Variants in KIF3B observed in about 807,000 individuals in gnomAD.
KIF3B encodes the protein kinesin-like protein KIF3B.
A neutral mutation model predicts 74.3 loss-of-function variants in KIF3B; 38 were observed. The ratio of observed to expected loss-of-function variants is 0.51; its 90% CI spans 0.39 to 0.67. The LOEUF (loss-of-function observed/expected upper bound fraction) is 0.67, where lower values mean the gene tolerates loss of function less well. Ranked by LOEUF, KIF3B falls within the 30% of genes least tolerant of loss-of-function variation. The probability of loss-of-function intolerance (pLI) is 0.00; values close to 1 mark genes in which losing one functional copy is unlikely to be tolerated. For synonymous variants in KIF3B, 326 were observed against 342.5 expected, an observed-to-expected ratio of 0.95 and a Z score of 0.53; for missense variants, 649 against 932.0, an observed-to-expected ratio of 0.70 and a Z score of 3.95.
chr20:32,283,660 A>G (rs2047654571), intron 1 of KIF3B, among the ~76,000 whole-genome samples: 1 of 150,720 alleles, frequency 6.6e-6, no homozygotes, highest in Non-Finnish European at 1.5e-5. Flanking sequence ...AAATACAAAA[A>G]TTAGTCGGGT....
At chr20:32,322,818 ATATT>A (rs2047874674) in intron 5 of KIF3B, among the ~76,000 whole-genome samples, 58 of 68,900 alleles carry the variant, frequency 8.4e-4, no homozygotes, top group African/African-American at 3.4e-3. Flanking sequence ...ATATTTATAT[ATATT>A]TATATGTATA....
rs2047941876 is a variant in KIF3B, at chr20:32,333,656, A to AC, written c.*2337_*2338insC. 1 of 151,390 alleles carries AC rather than the reference A, an allele frequency of 6.6e-6. No homozygotes were observed. Among genetic ancestry groups the AC allele is most frequent in the Non-Finnish European group, 1.5e-5 (1 of 68,176 alleles). The allele number at this position is 151,390 out of a possible 1,614,324, so 9.4% of individuals were successfully genotyped here. On this transcript the variant is annotated 3_prime_UTR_variant, in exon 9 of 9. Coordinates refer to ENST00000375712, the MANE Select transcript of KIF3B (RefSeq NM_004798.4). ...TCAAAAAAAAAAAAAAAAAAAAAAA[A>AC]AACAGAAAGAAAGAAAAAGAAAACT...
intron 2 of KIF3B, among the ~76,000 whole-genome samples, chr20:32,311,910 C>G (rs1277730922): frequency 1.3e-5 from 2 of 149,692 alleles, no homozygotes; most frequent in Non-Finnish European, 3.0e-5. Context: ...TCAAGTGATT[C>G]TCTTGTCTCA....
At chr20:32,303,381 A>G (rs1368341072) in intron 1 of KIF3B, among the ~76,000 whole-genome samples, 1 of 151,776 alleles carries the variant, frequency 6.6e-6, no homozygotes, top group East Asian at 1.9e-4. Context: ...CTTGGCCATC[A>G]TGGTGAAACC....
chr20:32,331,179 A>G (rs1312405329), intron 8 of KIF3B, 44 bp from the exon 9 acceptor site: 3 of 1,390,654 alleles, frequency 2.2e-6, no homozygotes, highest in South Asian at 2.3e-5. Context: ...TGTCAGGGAC[A>G]GAGATGGGGA....
At chr20:32,330,835 T>G (rs1230609733) in intron 8 of KIF3B, among the ~76,000 whole-genome samples, 3 of 152,230 alleles carry the variant, frequency 2.0e-5, no homozygotes, top group Non-Finnish European at 4.4e-5. Context: ...CTCACCCATG[T>G]GGTGCAAAAC....
At position 32,324,657 on chromosome 20, in the gene KIF3B, G is replaced by C. The variant is rs149867240; in HGVS notation, c.1749-2114G>C. 1.1e-4 allele frequency among the ~76,000 whole-genome samples: 17 copies of C among 152,294 alleles called. No individual in the cohort carries two copies. In the East Asian group the frequency reaches 3.3e-3, roughly 29 times the overall value. The stretch of plus-strand genomic sequence containing the variant: ...TATTTCATTAGTGGGGTTACAAAAT[G>C]ACCATGCCTGGCCAAAGAAGAAGTT... On this transcript the variant is annotated intron_variant, in intron 5 of 8. Transcript: ENST00000375712.
At chr20:32,299,860 C>T (rs2047735061) in intron 1 of KIF3B, among the ~76,000 whole-genome samples, 1 of 151,980 alleles carries the variant, frequency 6.6e-6, no homozygotes, top group Non-Finnish European at 1.5e-5. Context: ...GTGATCCTGA[C>T]TTGCTGCAGT....
chr20:32,327,753 C>A, intron 7 of KIF3B, 92 bp downstream of exon 7: 1 of 834,548 alleles, frequency 1.2e-6, no homozygotes, highest in Non-Finnish European at 1.9e-6. Flanking sequence ...GAGTTCATAC[C>A]TTCTTTCCAG....
intron 1 of KIF3B, among the ~76,000 whole-genome samples, chr20:32,292,473 C>T (rs901767698): frequency 2.7e-5 from 4 of 149,708 alleles, no homozygotes; most frequent in East Asian, 2.0e-4. Flanking sequence ...CATGGTGGCT[C>T]ATGCCTGTAA....
chr20:32,327,282 C>T (rs953515334), intron 6 of KIF3B, among the ~76,000 whole-genome samples: 5 of 152,102 alleles, frequency 3.3e-5, no homozygotes, highest in Admixed American at 1.3e-4. Flanking sequence ...AGATGGGAGA[C>T]ACCTGGCAGG....
chr20:32,283,225 G>A (rs908504007), intron 1 of KIF3B, among the ~76,000 whole-genome samples: 1 of 152,108 alleles, frequency 6.6e-6, no homozygotes, highest in African/African-American at 2.4e-5. Flanking sequence ...ATGTTTTGGG[G>A]ACGGGTGTGG....
chr20:32,312,791 G>A (rs2047807733), intron 2 of KIF3B, among the ~76,000 whole-genome samples: 1 of 152,126 alleles, frequency 6.6e-6, no homozygotes, highest in African/African-American at 2.4e-5. Flanking sequence ...TGTCTTGTTT[G>A]GCACTGTTAG....
At chr20:32,328,458 T>A (rs570435299) in intron 7 of KIF3B, among the ~76,000 whole-genome samples, 199 of 150,988 alleles carry the variant, frequency 1.3e-3, no homozygotes, top group Non-Finnish European at 2.3e-3. Flanking sequence ...ACACAAAAAT[T>A]AGCCGGGTAT....
chr20:32,306,123 G>A (rs1042506676), intron 1 of KIF3B, among the ~76,000 whole-genome samples: 12 of 150,410 alleles, frequency 8.0e-5, no homozygotes, highest in Non-Finnish European at 1.5e-4. Flanking sequence ...TGCCGGGTGC[G>A]GTGGCTCATG....
At chr20:32,294,861 T>A (rs1260790929) in intron 1 of KIF3B, among the ~76,000 whole-genome samples, 1 of 152,212 alleles carries the variant, frequency 6.6e-6, no homozygotes, top group Non-Finnish European at 1.5e-5. Context: ...TTCTGTTTAG[T>A]AGCCTTTTTC....
At chr20:32,297,940 T>C (rs1368913665) in intron 1 of KIF3B, among the ~76,000 whole-genome samples, 1 of 151,294 alleles carries the variant, frequency 6.6e-6, no homozygotes, top group East Asian at 1.9e-4. Flanking sequence ...AAACCCCATC[T>C]CTACTTAAAA....
intron 5 of KIF3B, among the ~76,000 whole-genome samples, chr20:32,318,789 C>A (rs185403354): frequency 3.3e-5 from 5 of 152,168 alleles, no homozygotes; most frequent in Non-Finnish European, 7.4e-5. Flanking sequence ...TATAAGCATT[C>A]ATGTATAAGG....
intron 7 of KIF3B, among the ~76,000 whole-genome samples, chr20:32,328,328 G>T (rs776594774): frequency 2.6e-5 from 4 of 152,072 alleles, no homozygotes; most frequent in Admixed American, 6.5e-5. Flanking sequence ...GGAGGCTGAG[G>T]CAGGAGAATG....
Sources: allele counts gnomAD v4.1 joint callset (sites outside exome capture counted in the v4.1 genomes callset), GRCh38; gene constraint gnomAD v4.1.1; transcripts MANE v1.5; gene names NCBI Gene and HGNC (gene_info 2026-07-23, HGNC 2026-07-21).